The following GSK3B variants were observed in gnomAD, a reference collection of about 807,000 sequenced individuals.
GSK3B encodes the protein glycogen synthase kinase-3 beta.
Under a neutral mutation model 56.4 loss-of-function variants are expected in GSK3B, and 15 were observed. That is an observed-to-expected ratio of 0.27 (90% CI 0.18 to 0.41). GSK3B has a LOEUF of 0.41. Among genes scored for constraint, GSK3B ranks in the 10% least tolerant of loss-of-function variants. The pLI is 1.00. For missense variants in GSK3B, 300 were observed against 513.4 expected (o/e 0.58, Z 4.02); for synonymous variants, 181 against 188.9 (o/e 0.96, Z 0.34).
chr3:119,840,063 G>C (rs1462425035), intron 10 of GSK3B, among the ~76,000 whole-genome samples: 1 of 151,928 alleles, frequency 6.6e-6, no homozygotes, highest in African/African-American at 2.4e-5. Context: ...GGAAAGCTTC[G>C]GCTATGTCTG....
At chr3:120,071,421 C>G (rs1473682542) in intron 1 of GSK3B, among the ~76,000 whole-genome samples, 6 of 152,194 alleles carry the variant, frequency 3.9e-5, no homozygotes, top group Non-Finnish European at 5.9e-5. Context: ...AGGTGAGCAG[C>G]AGGCAAGGGA....
chr3:119,982,421 T>A (rs909217010), intron 2 of GSK3B, among the ~76,000 whole-genome samples: 8 of 152,122 alleles, frequency 5.3e-5, no homozygotes, highest in Non-Finnish European at 7.3e-5. Flanking sequence ...TTCTCCGAGT[T>A]AAAGGAGAAT....
intron 1 of GSK3B, among the ~76,000 whole-genome samples, chr3:120,083,447 T>C (rs2058438686): frequency 6.6e-6 from 1 of 151,920 alleles, no homozygotes; most frequent in Admixed American, 6.6e-5. Context: ...CCAGAGAATG[T>C]CTGATAAATT....
rs1466585833 is a variant in GSK3B, at chr3:119,879,306, G to C, written c.814-2798C>G. Reference sequence around the variant, plus strand: ...CACCATTCTCCTGCCTCAGCCTCCCGAGTAGCTGGGACTACAGGTGCCCAC... The same window carrying C: ...CACCATTCTCCTGCCTCAGCCTCCCCAGTAGCTGGGACTACAGGTGCCCAC... On this transcript the variant is annotated intron_variant, in intron 7 of 10. Coordinates refer to ENST00000264235, the MANE Select transcript of GSK3B (RefSeq NM_001146156.2). Among the ~76,000 whole-genome samples, 3 of 151,926 alleles carry C rather than the reference G, an allele frequency of 2.0e-5. No homozygotes were observed. In the South Asian group the frequency reaches 6.2e-4, roughly 32 times the overall value.
At chr3:119,884,405 A>G (rs943293585) in intron 7 of GSK3B, among the ~76,000 whole-genome samples, 1 of 152,152 alleles carries the variant, frequency 6.6e-6, no homozygotes, top group Non-Finnish European at 1.5e-5. Flanking sequence ...GAGAGAGGAG[A>G]GAACAAAGAA....
intron 1 of GSK3B, among the ~76,000 whole-genome samples, chr3:120,083,706 C>A (rs1167543414): frequency 6.6e-6 from 1 of 152,118 alleles, no homozygotes; most frequent in Non-Finnish European, 1.5e-5. Flanking sequence ...AACTTGCACA[C>A]AAATGTTCAC....
At chr3:119,856,578 C>T (rs1363193907) in intron 9 of GSK3B, among the ~76,000 whole-genome samples, 1 of 152,066 alleles carries the variant, frequency 6.6e-6, no homozygotes, top group Non-Finnish European at 1.5e-5. Context: ...CTGTAGTTAC[C>T]TGAACTAAAT....
At chr3:119,927,331 G>A (rs1249330345) in intron 3 of GSK3B, among the ~76,000 whole-genome samples, 3 of 152,140 alleles carry the variant, frequency 2.0e-5, no homozygotes, top group Admixed American at 6.5e-5. Context: ...GGAGACTTGG[G>A]AAAGTGAGAA....
intron 1 of GSK3B, among the ~76,000 whole-genome samples, chr3:120,027,681 T>C (rs2057939706): frequency 6.6e-6 from 1 of 152,160 alleles, no homozygotes; most frequent in African/African-American, 2.4e-5. Flanking sequence ...GACATAAGAT[T>C]ACATGAAAAA....
chr3:119,945,135 C>T (rs959380660), intron 3 of GSK3B, among the ~76,000 whole-genome samples: 1 of 152,154 alleles, frequency 6.6e-6, no homozygotes, highest in African/African-American at 2.4e-5. Context: ...TCTTTGGTGG[C>T]TGGGAGATTA....
intron 1 of GSK3B, among the ~76,000 whole-genome samples, chr3:120,059,046 A>G (rs1237461404): frequency 6.6e-6 from 1 of 152,018 alleles, no homozygotes; most frequent in Admixed American, 6.6e-5. Flanking sequence ...TCAAGAGTGT[A>G]AGATATAATA....
intron 7 of GSK3B, among the ~76,000 whole-genome samples, chr3:119,889,365 A>G (rs557187888): frequency 6.6e-6 from 1 of 152,294 alleles, no homozygotes; most frequent in African/African-American, 2.4e-5. Flanking sequence ...AACAACAAAT[A>G]TTGTAAGGAT....
chr3:120,081,902 G>T (rs2058422670), intron 1 of GSK3B, among the ~76,000 whole-genome samples: 1 of 152,182 alleles, frequency 6.6e-6, no homozygotes, highest in Non-Finnish European at 1.5e-5. Flanking sequence ...CTTGAGATAA[G>T]CATGAATGAC....
At chr3:120,068,383 TCC>T (rs2058297915) in intron 1 of GSK3B, among the ~76,000 whole-genome samples, 1 of 76,126 alleles carries the variant, frequency 1.3e-5, no homozygotes, top group African/African-American at 5.4e-5. Flanking sequence ...AGAGTGAGAC[TCC>T]GTCTCAAAAA....
intron 3 of GSK3B, among the ~76,000 whole-genome samples, chr3:119,936,618 G>T (rs2056997643): frequency 6.6e-6 from 1 of 151,656 alleles, no homozygotes; most frequent in Non-Finnish European, 1.5e-5. Context: ...AAAGTGCTGG[G>T]ATTACAGGTG....
intron 3 of GSK3B, among the ~76,000 whole-genome samples, chr3:119,943,701 G>A (rs1480677004): frequency 2.0e-5 from 3 of 151,842 alleles, no homozygotes; most frequent in Non-Finnish European, 2.9e-5. Flanking sequence ...TTGAAAGACA[G>A]GTATAGAAAC....
chr3:119,978,500 C>G (rs1289722704), intron 2 of GSK3B, among the ~76,000 whole-genome samples: 1 of 152,152 alleles, frequency 6.6e-6, no homozygotes, highest in East Asian at 1.9e-4. Flanking sequence ...CTTTCTTTAA[C>G]TCTTACATTT....
chr3:119,837,579 A>G (rs942491522), intron 10 of GSK3B, among the ~76,000 whole-genome samples: 2 of 152,134 alleles, frequency 1.3e-5, no homozygotes, highest in Non-Finnish European at 2.9e-5. Flanking sequence ...AGATAATGAA[A>G]GGTGAACTGA....
intron 1 of GSK3B, among the ~76,000 whole-genome samples, chr3:120,070,575 TAA>T (rs1292383897): frequency 6.6e-6 from 1 of 152,040 alleles, no homozygotes. Context: ...ATGGAATACC[TAA>T]AGATGGTATC....
Sources: allele counts gnomAD v4.1 joint callset (sites outside exome capture counted in the v4.1 genomes callset), GRCh38; gene constraint gnomAD v4.1.1; transcripts MANE v1.5; gene names NCBI Gene and HGNC (gene_info 2026-07-23, HGNC 2026-07-21).